TXNRD1: variants seen among roughly 807,000 people sequenced by gnomAD.
TXNRD1 encodes thioredoxin reductase 1, cytoplasmic.
A neutral mutation model predicts 80.3 loss-of-function variants in TXNRD1; 57 were observed. That is an observed-to-expected ratio of 0.71 (90% CI 0.57 to 0.89). The LOEUF (loss-of-function observed/expected upper bound fraction) is 0.89. Among genes scored for constraint, TXNRD1 ranks in the 40% least tolerant of loss-of-function variants. The pLI is 0.00. For missense variants in TXNRD1, 730 were observed against 803.0 expected, an observed-to-expected ratio of 0.91 and a Z score of 1.10; for synonymous variants, 291 against 285.2, an observed-to-expected ratio of 1.02 and a Z score of -0.20.
At chr12:104,242,057 C>T (rs889102346) in intron 1 of TXNRD1, among the ~76,000 whole-genome samples, 34 of 149,052 alleles carry the variant, frequency 2.3e-4, no homozygotes, top group African/African-American at 7.6e-4. Context: ...CCTGCCTCAG[C>T]CTCCTGAGTA....
At chr12:104,343,571 G>A (rs1269905469) in intron 16 of TXNRD1, among the ~76,000 whole-genome samples, 18 of 152,112 alleles carry the variant, frequency 1.2e-4, no homozygotes, top group Admixed American at 1.0e-3. Flanking sequence ...AGCCTGAGGC[G>A]AGTGGATCAC....
At chr12:104,315,636 A>G (rs2035298654) in intron 6 of TXNRD1, 141 bp from the exon 7 acceptor site, 1 of 882,454 alleles carries the variant, frequency 1.1e-6, no homozygotes, top group African/African-American at 1.7e-5. Context: ...TGTAAGAGTT[A>G]GGAATAAACT....
intron 1 of TXNRD1, among the ~76,000 whole-genome samples, chr12:104,238,912 TCTCAG>T (rs2032798908): frequency 6.6e-6 from 1 of 152,126 alleles, no homozygotes; most frequent in Non-Finnish European, 1.5e-5. Flanking sequence ...AATGGTGTGA[TCTCAG>T]CTCACTGCAA....
At chr12:104,301,576 A>G (rs1316332197) in intron 4 of TXNRD1, among the ~76,000 whole-genome samples, 2 of 152,120 alleles carry the variant, frequency 1.3e-5, no homozygotes, top group Non-Finnish European at 2.9e-5. Flanking sequence ...TGACCTCGTG[A>G]TCCGCCCGCC....
chr12:104,337,671 A>G (rs778640485), intron 15 of TXNRD1, among the ~76,000 whole-genome samples: 1 of 152,014 alleles, frequency 6.6e-6, no homozygotes, highest in East Asian at 1.9e-4. Flanking sequence ...AGCCTAGACA[A>G]CATGGCAAAA....
Position 104,231,800 on chromosome 12 carries a change from C to A in TXNRD1, c.91+15907C>A, listed in dbSNP as rs2032630120. The stretch of plus-strand genomic sequence containing the variant: ...AATTGCTCAGAACTACCATATTGAT[C>A]TGGATTTTTACGTTACCCATCCCTT... On this transcript the variant is annotated intron_variant, in intron 1 of 16. Transcript: ENST00000525566. 2.0e-5 allele frequency among the ~76,000 whole-genome samples: 3 copies of A among 152,332 alleles called. No homozygotes were observed. The South Asian group carries it at 6.2e-4, about 32-fold the overall frequency.
intron 1 of TXNRD1, among the ~76,000 whole-genome samples, chr12:104,231,349 G>A (rs776002791): frequency 3.9e-5 from 6 of 152,170 alleles, no homozygotes; most frequent in Non-Finnish European, 5.9e-5. Context: ...CAGAAGAATG[G>A]CATGTCCATG....
chr12:104,221,891 G>A (rs1382664893), intron 1 of TXNRD1, among the ~76,000 whole-genome samples: 1 of 152,164 alleles, frequency 6.6e-6, no homozygotes, highest in African/African-American at 2.4e-5. Context: ...GGACAGGCAG[G>A]TCATATAAAT....
rs143047092 is a variant in TXNRD1, at chr12:104,232,606, G to A, written c.91+16713G>A. On this transcript the variant is annotated intron_variant, in intron 1 of 16. Transcript: ENST00000525566. Reference sequence around the variant, plus strand: ...TTACTGACCACAGGTTAGGAACCCTGTGCGGGGACTGGGTAGACAAGACAT... The same window carrying A: ...TTACTGACCACAGGTTAGGAACCCTATGCGGGGACTGGGTAGACAAGACAT... Among the ~76,000 whole-genome samples, 120 of 152,088 alleles carry A rather than the reference G, an allele frequency of 7.9e-4. No homozygotes were observed. In the Middle Eastern group the frequency reaches 0.017, roughly 22 times the overall value.
chr12:104,272,040 G>A (rs758304093), intron 3 of TXNRD1, among the ~76,000 whole-genome samples: 1 of 152,140 alleles, frequency 6.6e-6, no homozygotes, highest in Non-Finnish European at 1.5e-5. Context: ...GGTGGCGAGT[G>A]CCTGTAATCC....
chr12:104,252,662 T>A (rs12322061), intron 2 of TXNRD1, among the ~76,000 whole-genome samples: 5,261 of 44,172 alleles, frequency 0.12, 292 homozygotes, highest in African/African-American at 0.19. Flanking sequence ...TTATTATTTT[T>A]TATATATATA....
chr12:104,336,291 T>C (rs1460966060), intron 15 of TXNRD1, among the ~76,000 whole-genome samples: 1 of 152,254 alleles, frequency 6.6e-6, no homozygotes, highest in African/African-American at 2.4e-5. Flanking sequence ...ATAATTTTCC[T>C]ACCAATAAAC....
Position 104,310,400 on chromosome 12 carries a change from T to C in TXNRD1, c.415-890T>C, listed in dbSNP as rs139170097. On this transcript the variant is annotated intron_variant, in intron 4 of 16. Coordinates refer to ENST00000525566, the MANE Select transcript of TXNRD1 (RefSeq NM_001093771.3). The stretch of plus-strand genomic sequence containing the variant: ...CTGACTTCAAGTGATCCTCCCGCCT[T>C]GGCCTCCCGAAGTGCTGGGATTACA... 7.2e-5 allele frequency among the ~76,000 whole-genome samples: 11 copies of C among 152,294 alleles called. No homozygotes were observed. In the East Asian group the frequency reaches 2.1e-3, roughly 29 times the overall value.
At chr12:104,303,149 C>T (rs1293484828) in intron 4 of TXNRD1, among the ~76,000 whole-genome samples, 1 of 152,152 alleles carries the variant, frequency 6.6e-6, no homozygotes, top group African/African-American at 2.4e-5. Flanking sequence ...GCCCAGCACC[C>T]AGTTTCCTGC....
intron 4 of TXNRD1, chr12:104,303,842 C>T: frequency 1.4e-6 from 2 of 1,439,168 alleles, no homozygotes; most frequent in African/African-American, 1.4e-5. Flanking sequence ...AAAAGCTTCC[C>T]GGAAGGGAGA....
chr12:104,341,123 C>A (rs2036311061), intron 16 of TXNRD1, among the ~76,000 whole-genome samples: 1 of 152,132 alleles, frequency 6.6e-6, no homozygotes, highest in African/African-American at 2.4e-5. Context: ...AGTGAGGACA[C>A]AGGACGTCTC....
At chr12:104,334,523 C>T (rs893670055) in intron 15 of TXNRD1, among the ~76,000 whole-genome samples, 191 bp downstream of exon 15, 1 of 152,146 alleles carries the variant, frequency 6.6e-6, no homozygotes, top group African/African-American at 2.4e-5. Context: ...ACTGGGATTA[C>T]AGACTTGCGC....
chr12:104,310,127 T>C, intron 4 of TXNRD1: 1 of 1,473,816 alleles, frequency 6.8e-7, no homozygotes, highest in Admixed American at 2.5e-5. Flanking sequence ...TTTTTGTTAT[T>C]AAAGTTAAGG....
intron 4 of TXNRD1, chr12:104,303,938 A>C: frequency 6.3e-7 from 1 of 1,590,084 alleles, no homozygotes; most frequent in Non-Finnish European, 8.5e-7. Flanking sequence ...AGCGCTGATG[A>C]AGATGGATGT....
Sources: allele counts gnomAD v4.1 joint callset (sites outside exome capture counted in the v4.1 genomes callset), GRCh38; gene constraint gnomAD v4.1.1; transcripts MANE v1.5; gene names NCBI Gene and HGNC (gene_info 2026-07-23, HGNC 2026-07-21).